The following PACS1 variants were observed in gnomAD, a reference collection of about 807,000 sequenced individuals.
PACS1 encodes the protein PACS-1.
Under a neutral mutation model 115.0 loss-of-function variants are expected in PACS1, and 24 were observed. That is an observed-to-expected ratio of 0.21 (90% CI 0.15 to 0.29). The LOEUF (loss-of-function observed/expected upper bound fraction) is 0.29, where lower values mean the gene tolerates loss of function less well. PACS1 is among the 10% of genes least tolerant of loss of function. The probability of loss-of-function intolerance (pLI) is 1.00; values close to 1 mark genes in which losing one functional copy is unlikely to be tolerated. For synonymous variants in PACS1, 453 were observed against 504.5 expected (o/e 0.90, Z 1.37); for missense variants, 838 against 1,251.2 (o/e 0.67, Z 4.98).
chr11:66,209,146 G>C (rs1164776360), intron 2 of PACS1, among the ~76,000 whole-genome samples: 4 of 151,550 alleles, frequency 2.6e-5, no homozygotes, highest in Non-Finnish European at 5.9e-5. Flanking sequence ...GGAAGTTCCT[G>C]GGAAAAAAAA....
intron 1 of PACS1, among the ~76,000 whole-genome samples, chr11:66,137,920 CG>C (rs1565121028): frequency 1.3e-5 from 2 of 152,108 alleles, no homozygotes; most frequent in East Asian, 3.9e-4. Flanking sequence ...TTAGTAGAGA[CG>C]GGGTTTCACC....
intron 1 of PACS1, among the ~76,000 whole-genome samples, chr11:66,117,163 T>C (rs1245098687): frequency 3.3e-5 from 5 of 150,690 alleles, no homozygotes; most frequent in Non-Finnish European, 7.4e-5. Context: ...GACCCTGGCA[T>C]TGAAAGGGTT....
chr11:66,098,142 A>G (rs1483398518), intron 1 of PACS1, among the ~76,000 whole-genome samples: 1 of 152,190 alleles, frequency 6.6e-6, no homozygotes, highest in Non-Finnish European at 1.5e-5. Flanking sequence ...ATGCCACCAC[A>G]CTCCAGCTTG....
At chr11:66,204,784 C>G (rs532069334) in intron 2 of PACS1, among the ~76,000 whole-genome samples, 37 of 152,178 alleles carry the variant, frequency 2.4e-4, no homozygotes, top group Non-Finnish European at 3.1e-4. Context: ...ATGGTTACCA[C>G]AGGCTCATAT....
In PACS1 at chr11:66,210,347, T is replaced by A. The variant is rs182977545; in HGVS notation, c.445-15T>A. 3.1e-6 allele frequency: 5 copies of A among 1,609,968 alleles called. No homozygotes were observed. The African/African-American group carries it at 6.7e-5, about 22-fold the overall frequency. ...CACTGCACCTGGCCAAACAGACTTT[T>A]CTTCTTGGTTTCAGGGTTCAAAAAG... On this transcript the variant is annotated splice_polypyrimidine_tract_variant and intron_variant, in intron 2 of 23. Coordinates refer to ENST00000320580, the MANE Select transcript of PACS1 (RefSeq NM_018026.4).
intron 2 of PACS1, among the ~76,000 whole-genome samples, chr11:66,196,667 G>A (rs1355688883): frequency 1.3e-5 from 2 of 151,914 alleles, no homozygotes; most frequent in East Asian, 1.9e-4. Context: ...GCGTGATCTC[G>A]GCTCACTGCA....
At chr11:66,142,127 A>G (rs1859006049) in intron 1 of PACS1, among the ~76,000 whole-genome samples, 1 of 151,858 alleles carries the variant, frequency 6.6e-6, no homozygotes, top group Non-Finnish European at 1.5e-5. Context: ...CAGTTTTGAT[A>G]TGTTGTCCAG....
chr11:66,109,897 T>A (rs1241180599), intron 1 of PACS1, among the ~76,000 whole-genome samples: 3 of 152,222 alleles, frequency 2.0e-5, no homozygotes, highest in Non-Finnish European at 4.4e-5. Flanking sequence ...GCATTAATAC[T>A]CTGTTTATGA....
Position 66,232,156 on chromosome 11 carries a change from TC to T in PACS1, c.1627-15del, listed in dbSNP as rs1444103101. 6.3e-7 allele frequency: 1 copy of T among 1,577,298 alleles called. No individual in the cohort carries two copies. The highest frequency in any genetic ancestry group is 8.7e-7 in the Non-Finnish European group (1 of 1,146,594). ...AGGGACTCCCTAACAAGAGACACTT[TC>T]TTTTGTTCCTGCAGATTCCAAGAAA... On this transcript the variant is annotated splice_polypyrimidine_tract_variant and intron_variant, in intron 13 of 23. Coordinates refer to ENST00000320580, the MANE Select transcript of PACS1 (RefSeq NM_018026.4).
rs181720797 is a variant in PACS1, at chr11:66,201,416, C to T, written c.444+7843C>T. Among the ~76,000 whole-genome samples, 911 of 151,910 alleles carry T rather than the reference C, an allele frequency of 6.0e-3. 6 individuals are homozygous for T. The highest frequency in any genetic ancestry group is 0.02 in the African/African-American group (842 of 41,418). On this transcript the variant is annotated intron_variant, in intron 2 of 23. Transcript: ENST00000320580. Reference sequence around the variant, plus strand: ...CTTGAAGCAAATGATAATGGAAACACAACATATCAAAACCTATGGGATACA... The same window carrying T: ...CTTGAAGCAAATGATAATGGAAACATAACATATCAAAACCTATGGGATACA...
chr11:66,140,402 C>G (rs992234308), intron 1 of PACS1, among the ~76,000 whole-genome samples: 1 of 152,086 alleles, frequency 6.6e-6, no homozygotes, highest in Admixed American at 6.6e-5. Flanking sequence ...GCTTTGTATC[C>G]GCGTGACCTG....
chr11:66,239,253 T>C lies in PACS1; in HGVS notation c.2405T>C (p.Met802Thr), dbSNP rs1173155013. 20 of 1,613,224 alleles carry C rather than the reference T, an allele frequency of 1.2e-5. No homozygotes were observed. Among genetic ancestry groups the C allele is most frequent in the Non-Finnish European group, 1.4e-5 (17 of 1,179,898 alleles). ...ATATPPSSPS[M>T]SSALAIVGSP... ...GCCACCCCTCCCTCCTCCCCATCTATGAGCAGCGCCCTGGCCATCGTGGGG... is the reference window on the plus strand; with the variant it reads ...GCCACCCCTCCCTCCTCCCCATCTACGAGCAGCGCCCTGGCCATCGTGGGG... The change falls in exon 21 of 24, where the codon ATG becomes ACG. Residue 802 changes from methionine to threonine, a missense_variant. Transcript: ENST00000320580.
chr11:66,213,982 G>A (rs571299638), intron 4 of PACS1, among the ~76,000 whole-genome samples: 143 of 138,388 alleles, frequency 1.0e-3, no homozygotes, highest in Non-Finnish European at 1.9e-3. Context: ...TCAGTGAGCC[G>A]AGATTGCGCC....
chr11:66,166,087 T>C (rs1412450149), intron 1 of PACS1, among the ~76,000 whole-genome samples: 1 of 152,160 alleles, frequency 6.6e-6, no homozygotes. Context: ...ATAAACAAAA[T>C]AAAGGTCCCT....
Position 66,070,983 on chromosome 11 carries a change from T to C in PACS1, c.356+141T>C. The C allele has an allele frequency of 1.2e-6, 1 of 853,606 alleles. No individual in the cohort carries two copies. The highest frequency in any genetic ancestry group is 2.7e-5 in the South Asian group (1 of 37,096). The allele number at this position is 853,606 out of a possible 1,614,324, so 52.9% of individuals were successfully genotyped here. ...GGCCCGGCCTGGCTCCAGCCAGGCC[T>C]CCCGGGACTCCTGCCACGGGGACCC... On this transcript the variant is annotated intron_variant, in intron 1 of 23. Coordinates refer to ENST00000320580, the MANE Select transcript of PACS1 (RefSeq NM_018026.4). This position sits in a 1 kb window ranked among gnomAD's most constrained non-coding sequence, Gnocchi z 5.9.
Position 66,168,898 on chromosome 11 carries a change from T to C in PACS1, c.357-24588T>C, listed in dbSNP as rs889398608. 6.0e-5 allele frequency among the ~76,000 whole-genome samples: 9 copies of C among 150,710 alleles called. 1 individual carries two copies. Among genetic ancestry groups the C allele is most frequent in the Non-Finnish European group, 8.8e-5 (6 of 68,038 alleles). On this transcript the variant is annotated intron_variant, in intron 1 of 23. Coordinates refer to ENST00000320580, the MANE Select transcript of PACS1 (RefSeq NM_018026.4). Reference sequence around the variant, plus strand: ...AACCTGGTTAATCTCTCATTAATCCTAATAATGAGAATTCTTCTGGATTTC... The same window carrying C: ...AACCTGGTTAATCTCTCATTAATCCCAATAATGAGAATTCTTCTGGATTTC...
At chr11:66,130,694 T>C (rs1858679203) in intron 1 of PACS1, among the ~76,000 whole-genome samples, 1 of 152,204 alleles carries the variant, frequency 6.6e-6, no homozygotes, top group South Asian at 2.1e-4. Flanking sequence ...GCCACTGCAT[T>C]GTATTTTTAT....
In PACS1 at chr11:66,243,149, C is replaced by G; in HGVS notation, c.2777-16C>G. On this transcript the variant is annotated splice_polypyrimidine_tract_variant and intron_variant, in intron 23 of 23. Transcript: ENST00000320580. ...CCTGAGCAGTCTGGTCACCCCTCCT[C>G]TCCTGTCACCCCTAGTGTCCATCGA... 1 of 1,612,844 alleles carries G rather than the reference C, an allele frequency of 6.2e-7. No individual in the cohort carries two copies. Among genetic ancestry groups the G allele is most frequent in the South Asian group, 1.1e-5 (1 of 90,992 alleles).
At chr11:66,211,338 C>A in intron 4 of PACS1, 79 bp downstream of exon 4, 2 of 1,475,696 alleles carry the variant, frequency 1.4e-6, no homozygotes, top group Non-Finnish European at 1.8e-6. Flanking sequence ...CCAGTTGAGC[C>A]TTCCAGATGA....
Sources: gnomAD v4.1 joint callset for allele counts (sites outside exome capture counted in the v4.1 genomes callset) on GRCh38, gnomAD v4.1.1 for gene constraint, Gnocchi (gnomAD v3.1) non-coding constraint, MANE v1.5 for transcripts, NCBI Gene and HGNC (gene_info 2026-07-23, HGNC 2026-07-21) for gene names.